Variants in SHISA9 observed in about 807,000 individuals in gnomAD.
SHISA9 encodes the protein shisa family member 9.
Under a neutral mutation model 38.0 loss-of-function variants are expected in SHISA9, and 13 were observed. The observed-to-expected ratio is 0.34, with a 90% CI of 0.22 to 0.54. The LOEUF (loss-of-function observed/expected upper bound fraction) is 0.54. Among genes scored for constraint, SHISA9 ranks in the 20% least tolerant of loss-of-function variants. The pLI, the probability that SHISA9 is intolerant of heterozygous loss-of-function variation, is 0.91. For synonymous variants in SHISA9, 275 were observed against 242.0 expected (o/e 1.14, Z -1.27); for missense variants, 538 against 575.8 (o/e 0.93, Z 0.67).
the SHISA9 span, among the ~76,000 whole-genome samples, chr16:13,250,643 C>G: frequency 1.3e-5 from 2 of 152,126 alleles, no homozygotes; most frequent in Admixed American, 6.6e-5. Flanking sequence ...GGGAATGGCA[C>G]CCACCAGGTG....
At chr16:13,535,081 A>G in the SHISA9 span, among the ~76,000 whole-genome samples, 2 of 151,934 alleles carry the variant, frequency 1.3e-5, no homozygotes, top group African/African-American at 4.8e-5. Context: ...CCCCCTCTCT[A>G]CTGAAAATAC....
intron 2 of SHISA9, among the ~76,000 whole-genome samples, chr16:13,046,981 C>G (rs1477992075): frequency 2.0e-5 from 3 of 152,178 alleles, no homozygotes; most frequent in Non-Finnish European, 4.4e-5. Flanking sequence ...TGCTGTTCCA[C>G]TCAGTGCTGG....
intron 2 of SHISA9, among the ~76,000 whole-genome samples, chr16:13,077,489 C>T (rs1315707798): frequency 6.6e-6 from 1 of 152,082 alleles, no homozygotes; most frequent in Non-Finnish European, 1.5e-5. Context: ...TCAGGAATGG[C>T]CATGAAGTGG....
At chr16:12,955,322 T>A (rs888306334) in intron 2 of SHISA9, among the ~76,000 whole-genome samples, 4 of 152,024 alleles carry the variant, frequency 2.6e-5, no homozygotes, top group African/African-American at 9.7e-5. Flanking sequence ...ACCAATGGCC[T>A]CCTCTCTAGG....
the SHISA9 span, among the ~76,000 whole-genome samples, chr16:13,552,211 G>T: frequency 6.6e-6 from 1 of 152,154 alleles, no homozygotes; most frequent in Non-Finnish European, 1.5e-5. Flanking sequence ...AGAGCGAGGA[G>T]CTCAGGCTCT....
chr16:13,428,521 T>C, the SHISA9 span, among the ~76,000 whole-genome samples: 4 of 152,302 alleles, frequency 2.6e-5, no homozygotes, highest in Middle Eastern at 3.4e-3. Flanking sequence ...ACCTTGAAGA[T>C]AGTCATAAAA....
intron 2 of SHISA9, among the ~76,000 whole-genome samples, chr16:13,100,288 G>A (rs916765691): frequency 6.6e-6 from 1 of 152,208 alleles, no homozygotes; most frequent in African/African-American, 2.4e-5. Context: ...TGAATACAAG[G>A]ATTTGGGCTT....
the SHISA9 span, among the ~76,000 whole-genome samples, chr16:13,272,265 G>A: frequency 0.023 from 3,532 of 152,076 alleles, 121 homozygotes; most frequent in African/African-American, 0.071. Context: ...AATAGTGATC[G>A]CCGACAGTTT....
chr16:13,387,768 G>C, the SHISA9 span, among the ~76,000 whole-genome samples: 1 of 152,056 alleles, frequency 6.6e-6, no homozygotes. Context: ...GATTACAGGC[G>C]TGAGCCACCA....
intron 2 of SHISA9, among the ~76,000 whole-genome samples, chr16:13,196,415 G>GAAAA (rs894618864): frequency 7.8e-6 from 1 of 128,392 alleles, no homozygotes; most frequent in African/African-American, 3.0e-5. Context: ...AAAAAAGAAA[G>GAAAA]AAAAAAAAAA....
intron 2 of SHISA9, among the ~76,000 whole-genome samples, chr16:13,045,150 A>G (rs1266049936): frequency 6.6e-6 from 1 of 152,242 alleles, no homozygotes; most frequent in African/African-American, 2.4e-5. Context: ...TTTAAAGTTT[A>G]AGAAATGTAT....
Position 13,200,713 on chromosome 16 carries a change from C to T in SHISA9, c.692-2681C>T, listed in dbSNP as rs184327971. ...AGCTGAATCTCGGCCAAAAAGCTAT[C>T]GTGGTAGAAGGATACATGCGTCTCT... On this transcript the variant is annotated intron_variant, in intron 2 of 4. Transcript: ENST00000558583. Among the ~76,000 whole-genome samples, 18 of 99,844 alleles carry T rather than the reference C, an allele frequency of 1.8e-4. No homozygotes were observed. In the East Asian group the frequency reaches 3.8e-3, roughly 21 times the overall value. The allele number at this position is 99,844 out of a possible 152,430, so 65.5% of individuals were successfully genotyped here.
At chr16:13,434,479 G>A in the SHISA9 span, among the ~76,000 whole-genome samples, 6 of 145,192 alleles carry the variant, frequency 4.1e-5, no homozygotes, top group Non-Finnish European at 7.5e-5. Flanking sequence ...GTGCAGTGGC[G>A]CGATCTCGGC....
the SHISA9 span, among the ~76,000 whole-genome samples, chr16:13,469,365 A>AAAAG: frequency 0.047 from 2,996 of 64,254 alleles, 170 homozygotes; most frequent in African/African-American, 0.065. Context: ...AAAGAAAAGA[A>AAAAG]AAAGAAAGAA....
the SHISA9 span, among the ~76,000 whole-genome samples, chr16:13,550,920 G>A: frequency 9.9e-5 from 15 of 152,154 alleles, no homozygotes; most frequent in Non-Finnish European, 2.1e-4. Flanking sequence ...TCAGGCGTTC[G>A]AGACCAGCCT....
the SHISA9 span, among the ~76,000 whole-genome samples, chr16:13,372,696 TC>T: frequency 6.6e-6 from 1 of 152,220 alleles, no homozygotes; most frequent in African/African-American, 2.4e-5. Flanking sequence ...TTTAAGAAGC[TC>T]TTTTGATGTG....
chr16:13,546,271 T>C, the SHISA9 span, among the ~76,000 whole-genome samples: 48 of 152,328 alleles, frequency 3.2e-4, no homozygotes, highest in African/African-American at 9.9e-4. Context: ...CCCTGCTTCT[T>C]CCCACCCTTC....
the SHISA9 span, among the ~76,000 whole-genome samples, chr16:13,262,655 A>AGGAG: frequency 1.4e-5 from 1 of 73,946 alleles, no homozygotes; most frequent in Non-Finnish European, 2.8e-5. Flanking sequence ...GAAGGAAGGA[A>AGGAG]GGAAGGAAGG....
At chr16:13,557,319 A>G in the SHISA9 span, among the ~76,000 whole-genome samples, 5 of 152,180 alleles carry the variant, frequency 3.3e-5, no homozygotes, top group Admixed American at 3.3e-4. Context: ...TAGACCAAAA[A>G]TACAATCTAC....
Sources: gnomAD v4.1 joint callset for allele counts (sites outside exome capture counted in the v4.1 genomes callset) on GRCh38, gnomAD v4.1.1 for gene constraint, MANE v1.5 for transcripts, NCBI Gene and HGNC (gene_info 2026-07-23, HGNC 2026-07-21) for gene names.